CPNE8: variants seen among roughly 807,000 people sequenced by gnomAD.
CPNE8 encodes copine 8.
Under a neutral mutation model 81.5 loss-of-function variants are expected in CPNE8, and 45 were observed. The observed-to-expected ratio is 0.55, with a 90% CI of 0.44 to 0.71. The LOEUF (loss-of-function observed/expected upper bound fraction) is 0.71, where lower values mean the gene tolerates loss of function less well. Ranked by LOEUF, CPNE8 falls within the 30% of genes least tolerant of loss-of-function variation. The pLI is 0.00. For synonymous variants in CPNE8, 252 were observed against 226.3 expected (o/e 1.11, Z -1.02); for missense variants, 594 against 672.1 (o/e 0.88, Z 1.28).
chr12:38,778,366 T>C (rs747879923), intron 6 of CPNE8, among the ~76,000 whole-genome samples: 8 of 152,210 alleles, frequency 5.3e-5, no homozygotes, highest in Non-Finnish European at 1.0e-4. Context: ...TGCATGACTA[T>C]AGAACAAAAT....
intron 15 of CPNE8, among the ~76,000 whole-genome samples, chr12:38,688,796 T>G (rs1043596049): frequency 2.2e-4 from 33 of 152,056 alleles, no homozygotes; most frequent in African/African-American, 8.0e-4. Flanking sequence ...GGCATAAGAA[T>G]GATATAATGG....
chr12:38,721,174 A>G, intron 13 of CPNE8: 1 of 152,894 alleles, frequency 6.5e-6, no homozygotes, highest in Non-Finnish European at 1.5e-5. Context: ...GTTGACCAGC[A>G]GCAGAAAGGA....
chr12:38,776,575 GC>G (rs1472357863), intron 6 of CPNE8, among the ~76,000 whole-genome samples: 1 of 151,814 alleles, frequency 6.6e-6, no homozygotes, highest in African/African-American at 2.4e-5. Flanking sequence ...CTCCCAAAGT[GC>G]CGGTATTACA....
At chr12:38,684,796 A>G (rs1939495794) in intron 16 of CPNE8, among the ~76,000 whole-genome samples, 1 of 152,158 alleles carries the variant, frequency 6.6e-6, no homozygotes, top group Non-Finnish European at 1.5e-5. Flanking sequence ...AATTATCTCA[A>G]AATAATTCAG....
intron 4 of CPNE8, among the ~76,000 whole-genome samples, chr12:38,846,836 G>A (rs1474969574): frequency 6.6e-6 from 1 of 152,024 alleles, no homozygotes; most frequent in Non-Finnish European, 1.5e-5. Flanking sequence ...CTCACTGCAG[G>A]ATTATATGTA....
intron 18 of CPNE8, among the ~76,000 whole-genome samples, chr12:38,673,814 T>G (rs1445798881): frequency 1.3e-5 from 2 of 151,928 alleles, no homozygotes; most frequent in Non-Finnish European, 2.9e-5. Context: ...CTTGAATCAC[T>G]CTCATTTGGA....
At chr12:38,733,143 G>A (rs962405566) in intron 10 of CPNE8, among the ~76,000 whole-genome samples, 1 of 151,894 alleles carries the variant, frequency 6.6e-6, no homozygotes, top group African/African-American at 2.4e-5. Flanking sequence ...ATTGTCTCAA[G>A]AATATATCTG....
At chr12:38,767,395 T>G (rs1201671880) in intron 8 of CPNE8, among the ~76,000 whole-genome samples, 1 of 152,096 alleles carries the variant, frequency 6.6e-6, no homozygotes, top group East Asian at 1.9e-4. Context: ...GTTATAATTG[T>G]ATAACAAATA....
intron 8 of CPNE8, among the ~76,000 whole-genome samples, chr12:38,763,854 A>T (rs1355267074): frequency 2.6e-5 from 4 of 152,190 alleles, no homozygotes; most frequent in Non-Finnish European, 4.4e-5. Flanking sequence ...TACCATAGTG[A>T]ATATACTGCC....
At chr12:38,794,479 T>C (rs1339671148) in intron 6 of CPNE8, among the ~76,000 whole-genome samples, 2 of 152,052 alleles carry the variant, frequency 1.3e-5, no homozygotes, top group Non-Finnish European at 2.9e-5. Flanking sequence ...CAATCTGATT[T>C]AAAAATGAGC....
intron 1 of CPNE8, among the ~76,000 whole-genome samples, chr12:38,887,093 T>G (rs1349925028): frequency 1.3e-5 from 2 of 151,944 alleles, no homozygotes; most frequent in Admixed American, 1.3e-4. Flanking sequence ...ACATACAGGG[T>G]TACAGGGACA....
In CPNE8 at chr12:38,667,300, T is replaced by C. The variant is rs114440121; in HGVS notation, c.1506+3429A>G. ...CTGACCAGGGGAAGATTGAAAATAT[T>C]ATCCTGCATGTACACTTGCAACCCC... is the stretch of plus-strand genomic sequence containing the variant. On this transcript the variant is annotated intron_variant, in intron 19 of 19. Coordinates refer to ENST00000331366, the MANE Select transcript of CPNE8 (RefSeq NM_153634.3). Among the ~76,000 whole-genome samples, 718 of 152,356 alleles carry C rather than the reference T, an allele frequency of 4.7e-3. 5 individuals are homozygous for C. Among genetic ancestry groups the C allele is most frequent in the African/African-American group, 0.016 (667 of 41,580 alleles).
chr12:38,821,181 C>G (rs1943104558), intron 6 of CPNE8, among the ~76,000 whole-genome samples: 1 of 152,144 alleles, frequency 6.6e-6, no homozygotes, highest in Non-Finnish European at 1.5e-5. Flanking sequence ...TTCTAATTTT[C>G]ATAGGGCCTG....
At chr12:38,761,039 A>G in intron 9 of CPNE8, 151 bp from the exon 10 acceptor site, 1 of 617,280 alleles carries the variant, frequency 1.6e-6, no homozygotes, top group South Asian at 2.0e-5. Flanking sequence ...TGCTAATTTC[A>G]TTACTATAAT....
At chr12:38,803,530 G>C (rs1044497457) in intron 6 of CPNE8, among the ~76,000 whole-genome samples, 2 of 142,508 alleles carry the variant, frequency 1.4e-5, no homozygotes, top group Non-Finnish European at 3.1e-5. Flanking sequence ...AGCTATCTAT[G>C]ACAAACCCAC....
rs1944189109 is a variant in CPNE8, at chr12:38,883,301, TTCATCTATA to T, written c.99-8799_99-8791del. Among the ~76,000 whole-genome samples, 5 of 152,346 alleles carry T rather than the reference TTCATCTATA, an allele frequency of 3.3e-5. No homozygotes were observed. In the South Asian group the frequency reaches 1.0e-3, roughly 32 times the overall value. On this transcript the variant is annotated intron_variant, in intron 1 of 19. Coordinates refer to ENST00000331366, the MANE Select transcript of CPNE8 (RefSeq NM_153634.3). ...TTTGATGTCTGTTTTTGTTACACTA[TTCATCTATA>T]TCATTCAGAACAAAATGAAATGAGC...
intron 5 of CPNE8, among the ~76,000 whole-genome samples, chr12:38,829,772 G>A (rs11829742): frequency 9.0e-4 from 137 of 152,220 alleles, no homozygotes; most frequent in African/African-American, 2.9e-3. Flanking sequence ...GCTTAACTTC[G>A]GATGCCTCTG....
At chr12:38,697,518 A>T (rs1229253346) in intron 14 of CPNE8, among the ~76,000 whole-genome samples, 2 of 152,158 alleles carry the variant, frequency 1.3e-5, no homozygotes, top group East Asian at 1.9e-4. Context: ...GTATATATCT[A>T]GGAATGAAAT....
intron 3 of CPNE8, among the ~76,000 whole-genome samples, chr12:38,854,989 A>T (rs1361169289): frequency 6.6e-6 from 1 of 152,140 alleles, no homozygotes; most frequent in East Asian, 1.9e-4. Context: ...ACATGATCTT[A>T]TATAGAGAAA....
Sources: gnomAD v4.1 joint callset for allele counts (sites outside exome capture counted in the v4.1 genomes callset) on GRCh38, gnomAD v4.1.1 for gene constraint, MANE v1.5 for transcripts, NCBI Gene and HGNC (gene_info 2026-07-23, HGNC 2026-07-21) for gene names.